Variants in GPR179 observed in about 807,000 individuals in gnomAD.
GPR179 encodes the protein probable G protein-coupled receptor 179.
GPR179 carries 52 observed loss-of-function variants against 70.8 expected under a neutral mutation model. That is an observed-to-expected ratio of 0.73 (90% CI 0.59 to 0.93). The LOEUF (loss-of-function observed/expected upper bound fraction) is 0.93. GPR179 is among the 40% of genes least tolerant of loss of function. The probability of loss-of-function intolerance (pLI) is 0.00; values close to 1 mark genes in which losing one functional copy is unlikely to be tolerated. For missense variants in GPR179, 2,734 were observed against 2,966.8 expected, an observed-to-expected ratio of 0.92 and a Z score of 1.82; for synonymous variants, 1,123 against 1,169.0, an observed-to-expected ratio of 0.96 and a Z score of 0.80.
Position 38,334,115 on chromosome 17 carries a change from C to T in GPR179, c.1785-77G>A, listed in dbSNP as rs563612171. 14 of 1,011,252 alleles carry T rather than the reference C, an allele frequency of 1.4e-5. No individual in the cohort carries two copies. The highest frequency in any genetic ancestry group is 2.0e-4 in the Middle Eastern group (1 of 4,892). 62.6% of individuals were successfully genotyped at this position (1,011,252 alleles called of 1,614,324 possible). On this transcript the variant is annotated intron_variant, in intron 8 of 10. Transcript: ENST00000616987. The surrounding 1 kb of genome is among the most constrained non-coding windows in gnomAD (Gnocchi z 4.7). ...CTGCTTTGCCTTCTCACTGGCGTTT[C>T]ACCTCAGCCCCAACCCTGATACGCT...
chr17:38,331,315 G>T lies in GPR179; in HGVS notation c.2254C>A (p.Arg752Ser), dbSNP rs746164705. ...TGGAGGCTGGAGCTGAGGAGCCGGC[G>T]GCGGGAGGAGCCGGGCAGGCTGCCG... ...GHGSLPGSSRRRLLSSSLQEP... is the reference protein window; with the variant it reads ...GHGSLPGSSRSRLLSSSLQEP... The change falls in exon 11 of 11, where the codon CGC (arginine) becomes AGC (serine). Residue 752 changes from arginine (R) to serine (S), a missense_variant. Arg to Ser is a moderately radical substitution (Grantham distance 110). Coordinates refer to ENST00000616987, the MANE Select transcript of GPR179 (RefSeq NM_001004334.4). 2 of 1,605,644 alleles carry T rather than the reference G, an allele frequency of 1.2e-6. No homozygotes were observed. Among genetic ancestry groups the T allele is most frequent in the Non-Finnish European group, 1.7e-6 (2 of 1,176,866 alleles).
intron 3 of GPR179, 115 bp downstream of exon 3, chr17:38,337,518 G>GC: frequency 1.1e-6 from 1 of 917,368 alleles, no homozygotes; most frequent in Non-Finnish European, 1.7e-6. Context: ...TTCTGCCCTT[G>GC]CCCCACAAGT....
At position 38,326,475 on chromosome 17, in the gene GPR179, T is replaced by C; in HGVS notation, c.7094A>G (p.Asp2365Gly). ...EFTPPTVYPWDWE is the reference protein window; with the variant it reads ...EFTPPTVYPWGWE ...CACCTAATAAGGCTGTTACTCCCAA[T>C]CCCAAGGATAGACAGTGGGAGGGGT... is the stretch of plus-strand genomic sequence containing the variant. The change falls in exon 11 of 11, where the codon GAT becomes GGT. Residue 2365 changes from aspartate (D) to glycine (G), a missense_variant. Asp to Gly is a moderately conservative substitution (Grantham distance 94, BLOSUM62 -1). Transcript: ENST00000616987. The C allele has an allele frequency of 6.2e-7, 1 of 1,602,556 alleles. No homozygotes were observed. Among genetic ancestry groups the C allele is most frequent in the Non-Finnish European group, 8.5e-7 (1 of 1,172,294 alleles).
At position 38,330,709 on chromosome 17, in the gene GPR179, G is replaced by A. The variant is rs1317444230; in HGVS notation, c.2860C>T (p.Leu954=). 1.9e-6 allele frequency: 3 copies of A among 1,593,652 alleles called. No individual in the cohort carries two copies. Among genetic ancestry groups the A allele is most frequent in the Non-Finnish European group, 2.6e-6 (3 of 1,167,632 alleles). ...LSGGLGEPRM[L]SPTSTLAPAL... is the part of the protein sequence containing the mutation. ...GGAGCCAAGGTGGAGGTGGGAGATA[G>A]CATCCTTGGCTCTCCCAGGCCCCCA... Residue 954 remains leucine (L), a synonymous_variant, in exon 11 of 11, where the codon CTA becomes TTA. Transcript: ENST00000616987.
At position 38,330,218 on chromosome 17, in the gene GPR179, C is replaced by T. The variant is rs1218537034; in HGVS notation, c.3351G>A (p.Gly1117=). The T allele has an allele frequency of 6.4e-7, 1 of 1,571,476 alleles. No homozygotes were observed. Among genetic ancestry groups the T allele is most frequent in the African/African-American group, 1.4e-5 (1 of 73,670 alleles). The change falls in exon 11 of 11, where the codon GGG becomes GGA. Residue 1117 remains glycine, a synonymous_variant. Transcript: ENST00000616987. ...GTGCCCCCATACTCTCTCCCGCAGT[C>T]CCGCTGTTCTGCCCCTCGGGACTCT... ...VEESPEGQNS[G]TAGESMGAPS...
Position 38,326,625 on chromosome 17 carries a change from G to A in GPR179, c.6944C>T (p.Pro2315Leu). The A allele has an allele frequency of 6.2e-7, 1 of 1,614,218 alleles. No homozygotes were observed. The highest frequency in any genetic ancestry group is 8.5e-7 in the Non-Finnish European group (1 of 1,180,038). ...GCTGGTCCTTGGCTCAAGCCCTGAA[G>A]GTCCTTGTAGTTCTCTGACACCTTC... Reference protein sequence around the residue: ...TLEGVRELQGPSGLEPRTSLA... With the variant: ...TLEGVRELQGLSGLEPRTSLA... The change falls in exon 11 of 11, where the codon CCT (proline) becomes CTT (leucine). Residue 2315 changes from proline (P) to leucine (L), a missense_variant. Physicochemically the swap from Pro to Leu is moderately conservative, Grantham distance 98. Transcript: ENST00000616987.
At position 38,329,899 on chromosome 17, in the gene GPR179, C is replaced by T. The variant is rs748125701; in HGVS notation, c.3670G>A (p.Glu1224Lys). The stretch of plus-strand genomic sequence containing the variant: ...GACTGGAGGCCAGCTTTGGGCAGTT[C>T]CTGCCACCCGACAGGGGTTTCTTTT... ...QSKETPVGWQ[E>K]LPKAGLQSLG... Residue 1224 changes from glutamate (E) to lysine (K), a missense_variant, in exon 11 of 11, where the codon GAA becomes AAA. Glu to Lys is a moderately conservative substitution (Grantham distance 56, BLOSUM62 1). Transcript: ENST00000616987. 1.2e-6 allele frequency: 2 copies of T among 1,614,182 alleles called. No individual in the cohort carries two copies. The highest frequency in any genetic ancestry group is 1.7e-5 in the Admixed American group (1 of 60,028).
rs1032193620 is a variant in GPR179 at position 38,334,588 on chromosome 17, C to T, written c.1784+116G>A. On this transcript the variant is annotated intron_variant, in intron 8 of 10. Coordinates refer to ENST00000616987, the MANE Select transcript of GPR179 (RefSeq NM_001004334.4). The surrounding 1 kb of genome is among the most constrained non-coding windows in gnomAD (Gnocchi z 4.7). The stretch of plus-strand genomic sequence containing the variant: ...AGCCAGAAGTGGGGGCCTTCGTCAA[C>T]GTGCTGAGGCGTAGCAGTGTTGCCA... 1.1e-5 allele frequency: 12 copies of T among 1,138,930 alleles called. No individual in the cohort carries two copies. The highest frequency in any genetic ancestry group is 4.7e-5 in the African/African-American group (3 of 64,412). The allele number at this position is 1,138,930 out of a possible 1,614,324, so 70.6% of individuals were successfully genotyped here. A position where few individuals can be genotyped will look rare whatever the true frequency, so the allele number is the denominator to read the frequency against.
intron 4 of GPR179, among the ~76,000 whole-genome samples, chr17:38,336,777 T>C (rs904723260): frequency 2.0e-5 from 3 of 152,260 alleles, no homozygotes; most frequent in South Asian, 2.1e-4. Context: ...CTAGCATTTA[T>C]TGAATCAAGT....
chr17:38,333,401 G>T lies in GPR179; in HGVS notation c.1891-4C>A, dbSNP rs1478020621. On this transcript the variant is annotated splice_region_variant and splice_polypyrimidine_tract_variant and intron_variant, in intron 9 of 10. Transcript: ENST00000616987. The stretch of plus-strand genomic sequence containing the variant: ...GAGGAGCCCCCAGCTTCCAGAACTG[G>T]CAGGGGTGCATAAGAGTGGGAAAAA... The T allele has an allele frequency of 6.2e-7, 1 of 1,613,348 alleles. No individual in the cohort carries two copies. The highest frequency in any genetic ancestry group is 1.1e-5 in the South Asian group (1 of 91,010).
Position 38,326,746 on chromosome 17 carries a change from G to C in GPR179, c.6823C>G (p.Leu2275Val), listed in dbSNP as rs2037289661. 2 of 1,614,132 alleles carry C rather than the reference G, an allele frequency of 1.2e-6. No homozygotes were observed. Among genetic ancestry groups the C allele is most frequent in the Non-Finnish European group, 1.7e-6 (2 of 1,180,048 alleles). The change falls in exon 11 of 11, where the codon CTA becomes GTA. Residue 2275 changes from leucine to valine, a missense_variant. Transcript: ENST00000616987. ...EFFPTAPEKP[L>V]CLLVHGPLDH... ...AGAGGCCCATGGACTAAAAGGCATA[G>C]TGGTTTTTCAGGAGCTGTGGGGAAA... is the stretch of plus-strand genomic sequence containing the variant.
chr17:38,326,625 G>T lies in GPR179; in HGVS notation c.6944C>A (p.Pro2315His). ...TLEGVRELQG[P>H]SGLEPRTSLA... ...GCTGGTCCTTGGCTCAAGCCCTGAAGGTCCTTGTAGTTCTCTGACACCTTC... is the reference window on the plus strand; with the variant it reads ...GCTGGTCCTTGGCTCAAGCCCTGAATGTCCTTGTAGTTCTCTGACACCTTC... The change falls in exon 11 of 11, where the codon CCT becomes CAT. Residue 2315 changes from proline to histidine, a missense_variant. Physicochemically the swap from Pro to His is moderately conservative, Grantham distance 77. Transcript: ENST00000616987. The T allele has an allele frequency of 6.2e-7, 1 of 1,614,218 alleles. No individual in the cohort carries two copies. The highest frequency in any genetic ancestry group is 8.5e-7 in the Non-Finnish European group (1 of 1,180,038).
At chr17:38,332,129 A>G (rs2037365493) in intron 10 of GPR179, among the ~76,000 whole-genome samples, 1 of 152,120 alleles carries the variant, frequency 6.6e-6, no homozygotes, top group African/African-American at 2.4e-5. Context: ...TTGGGGTCTC[A>G]GGAGGCAGGG....
At chr17:38,332,100 C>T (rs151070600) in intron 10 of GPR179, among the ~76,000 whole-genome samples, 1 of 152,116 alleles carries the variant, frequency 6.6e-6, no homozygotes, top group Non-Finnish European at 1.5e-5. Flanking sequence ...CCTCCATACT[C>T]CCTGGCCCTT....
chr17:38,328,874 T>G lies in GPR179; in HGVS notation c.4695A>C (p.Gly1565=), dbSNP rs1322476354. The G allele has an allele frequency of 2.3e-5, 37 of 1,613,792 alleles. No homozygotes were observed. The Admixed American group carries it at 6.2e-4, about 27-fold the overall frequency. The change falls in exon 11 of 11, where the codon GGA becomes GGC. Residue 1565 remains glycine (G), a synonymous_variant. Coordinates refer to ENST00000616987, the MANE Select transcript of GPR179 (RefSeq NM_001004334.4). ...GACACACCTGCGTTGCTCTGCTTCCTCCATTGCATAGGAATTGGCTACCAG... is the reference window on the plus strand; with the variant it reads ...GACACACCTGCGTTGCTCTGCTTCCGCCATTGCATAGGAATTGGCTACCAG... The part of the protein sequence containing the change: ...SKAGSQFLCN[G]GSRATQVCPQ...
chr17:38,330,466 C>T lies in GPR179; in HGVS notation c.3103G>A (p.Val1035Ile). Residue 1035 changes from valine (V) to isoleucine (I), a missense_variant, in exon 11 of 11, where the codon GTT becomes ATT. Physicochemically the swap from Val to Ile is conservative, Grantham distance 29 (BLOSUM62 3). Coordinates refer to ENST00000616987, the MANE Select transcript of GPR179 (RefSeq NM_001004334.4). ...ARARLWRALS[V>I]AVEKSRAGEN... is the part of the protein sequence containing the mutation. ...CCAGCCCTGCTTTTCTCTACTGCAA[C>T]AGAGAGGGCCCTCCAGAGCCTGGCT... is the stretch of plus-strand genomic sequence containing the variant. The T allele has an allele frequency of 6.4e-7, 1 of 1,564,482 alleles. No individual in the cohort carries two copies. The highest frequency in any genetic ancestry group is 8.7e-7 in the Non-Finnish European group (1 of 1,152,592).
In GPR179 at chr17:38,337,155, A is replaced by G. The variant is rs368462317; in HGVS notation, c.1050T>C (p.Ser350=). The G allele has an allele frequency of 1.2e-6, 2 of 1,613,086 alleles. No homozygotes were observed. The change falls in exon 4 of 11, where the codon TCT becomes TCC. Residue 350 remains serine (S), a synonymous_variant. Transcript: ENST00000616987. ...TGQFGFPEGR[S]GRLLQCLPCP... Reference sequence around the variant, plus strand: ...ATGGCAGACACTGCAGCAGTCTCCCAGATCTGCCTTCTGGGAACCCGAATT... The same window carrying G: ...ATGGCAGACACTGCAGCAGTCTCCCGGATCTGCCTTCTGGGAACCCGAATT...
chr17:38,343,823 G>C lies in GPR179; in HGVS notation c.-34C>G, dbSNP rs769490111. 6.9e-7 allele frequency: 1 copy of C among 1,451,716 alleles called. No individual in the cohort carries two copies. Among genetic ancestry groups the C allele is most frequent in the Non-Finnish European group, 9.1e-7 (1 of 1,102,474 alleles). 89.9% of individuals were successfully genotyped at this position (1,451,716 alleles called of 1,614,324 possible). A position where few individuals can be genotyped will look rare whatever the true frequency, so the allele number is the denominator to read the frequency against. On this transcript the variant is annotated 5_prime_UTR_variant, in exon 1 of 11. Coordinates refer to ENST00000616987, the MANE Select transcript of GPR179 (RefSeq NM_001004334.4). The surrounding 1 kb of genome is among the most constrained non-coding windows in gnomAD (Gnocchi z 4.2). ...CAGCTCTCAGGACCCTGGGGTCCAG[G>C]CTCAGGAGAGCCCAGGCAGAGGCTG...
rs1404318157 is a variant in GPR179, at chr17:38,334,923, G to T, written c.1646-81C>A. The stretch of plus-strand genomic sequence containing the variant: ...CTTTCTCTGAAAGATGTGCTGGGGG[G>T]AGCCTGGGCTCGGGGTCTGGGGACA... On this transcript the variant is annotated intron_variant, in intron 7 of 10. Transcript: ENST00000616987. The surrounding 1 kb of genome is among the most constrained non-coding windows in gnomAD (Gnocchi z 4.7). 1.9e-6 allele frequency: 3 copies of T among 1,596,360 alleles called. No homozygotes were observed. Among genetic ancestry groups the T allele is most frequent in the Non-Finnish European group, 2.6e-6 (3 of 1,167,802 alleles).
Sources: allele counts gnomAD v4.1 joint callset (sites outside exome capture counted in the v4.1 genomes callset), GRCh38; gene constraint gnomAD v4.1.1; non-coding constraint Gnocchi (gnomAD v3.1); transcripts MANE v1.5; gene names NCBI Gene and HGNC (gene_info 2026-07-23, HGNC 2026-07-21).